Variants in CFAP97 observed in about 807,000 individuals in gnomAD.
CFAP97 encodes cilia and flagella associated protein 97, also known as cilia- and flagella-associated protein 97.
In CFAP97, 36 loss-of-function variants were observed where a neutral mutation model predicts 43.1. The observed-to-expected ratio is 0.84, with a 90% CI of 0.64 to 1.10. CFAP97 has a LOEUF of 1.10. CFAP97 is among the 50% of genes least tolerant of loss of function. The pLI is 0.00. For missense variants in CFAP97, 657 were observed against 620.3 expected (o/e 1.06, Z -0.63); for synonymous variants, 228 against 225.7 (o/e 1.01, Z -0.09).
In CFAP97 at chr4:185,161,802, C is replaced by A. The variant is rs1287329544; in HGVS notation, c.*996G>T. On this transcript the variant is annotated 3_prime_UTR_variant, in exon 5 of 5. Transcript: ENST00000458385. The stretch of plus-strand genomic sequence containing the variant: ...CTCAACAAATGTGTGATTTATTTCC[C>A]TTTTTGTTCAAATTTTAGTTTTTTC... The A allele has an allele frequency of 6.6e-6, 1 of 152,136 alleles. No individual in the cohort carries two copies. The highest frequency in any genetic ancestry group is 1.5e-5 in the Non-Finnish European group (1 of 68,020). 9.4% of individuals were successfully genotyped at this position (152,136 alleles called of 1,614,324 possible).
In CFAP97 at chr4:185,160,121, A is replaced by C. The variant is rs1359877442; in HGVS notation, c.*2677T>G. On this transcript the variant is annotated 3_prime_UTR_variant, in exon 5 of 5. Coordinates refer to ENST00000458385, the MANE Select transcript of CFAP97 (RefSeq NM_020827.3). The stretch of plus-strand genomic sequence containing the variant: ...ATTTTTAAGCAAACCAAAGAACTTT[A>C]TTTGGAGTAATAGCTAAGAAAACAG... 1.3e-5 allele frequency: 2 copies of C among 152,210 alleles called. No individual in the cohort carries two copies. Among genetic ancestry groups the C allele is most frequent in the Non-Finnish European group, 2.9e-5 (2 of 68,042 alleles). The allele number at this position is 152,210 out of a possible 1,614,324, so 9.4% of individuals were successfully genotyped here.
chr4:185,188,254 C>A (rs1736088296), intron 2 of CFAP97, among the ~76,000 whole-genome samples: 1 of 151,934 alleles, frequency 6.6e-6, no homozygotes, highest in Non-Finnish European at 1.5e-5. Flanking sequence ...AGGTGGGACT[C>A]AAGGGACCCT....
intron 3 of CFAP97, among the ~76,000 whole-genome samples, chr4:185,173,944 C>T (rs1021758550): frequency 1.5e-4 from 23 of 151,924 alleles, no homozygotes; most frequent in African/African-American, 1.9e-4. Flanking sequence ...AATGTGTACA[C>T]GTTAAATGGG....
At chr4:185,167,325 G>A (rs532786385) in intron 3 of CFAP97, among the ~76,000 whole-genome samples, 4 of 152,086 alleles carry the variant, frequency 2.6e-5, no homozygotes, top group African/African-American at 4.8e-5. Context: ...AAAATTAGCC[G>A]GGCGTGGTTG....
At chr4:185,178,608 CTATTT>C (rs1735655595) in intron 2 of CFAP97, among the ~76,000 whole-genome samples, 2 of 152,220 alleles carry the variant, frequency 1.3e-5, no homozygotes, top group African/African-American at 4.8e-5. Flanking sequence ...GAAATGTTCT[CTATTT>C]TATATTAGTT....
intron 1 of CFAP97, among the ~76,000 whole-genome samples, chr4:185,194,740 A>G (rs1736463060): frequency 6.6e-6 from 1 of 152,242 alleles, no homozygotes. Context: ...AATACAGAAT[A>G]CAAAACTTTT....
intron 3 of CFAP97, chr4:185,170,487 C>T (rs1735254917): frequency 5.5e-6 from 2 of 364,624 alleles, no homozygotes; most frequent in African/African-American, 4.2e-5. Flanking sequence ...ACCTCTGCTT[C>T]CCGGGTTCAA....
chr4:185,166,581 T>C (rs1005987124), intron 3 of CFAP97, among the ~76,000 whole-genome samples: 5 of 152,216 alleles, frequency 3.3e-5, no homozygotes, highest in Non-Finnish European at 7.3e-5. Context: ...CAATACTTAT[T>C]CATCACATAT....
chr4:185,165,173 C>A (rs1434566321), intron 3 of CFAP97, among the ~76,000 whole-genome samples: 1 of 152,204 alleles, frequency 6.6e-6, no homozygotes, highest in Non-Finnish European at 1.5e-5. Flanking sequence ...GTAGCCTGGG[C>A]ACAGTGGCTC....
At chr4:185,192,602 CAT>C (rs1238961274) in intron 1 of CFAP97, among the ~76,000 whole-genome samples, 8 of 135,112 alleles carry the variant, frequency 5.9e-5, no homozygotes, top group African/African-American at 2.1e-4. Flanking sequence ...ACTATAAAGT[CAT>C]AGTCTTTAAA....
At chr4:185,185,283 T>C (rs910313949) in intron 2 of CFAP97, among the ~76,000 whole-genome samples, 1 of 151,954 alleles carries the variant, frequency 6.6e-6, no homozygotes, top group Non-Finnish European at 1.5e-5. Context: ...AATGCAGCAA[T>C]AGAAATTTGA....
intron 2 of CFAP97, among the ~76,000 whole-genome samples, chr4:185,186,619 AG>A (rs1736015984): frequency 6.6e-6 from 1 of 152,234 alleles, no homozygotes; most frequent in Non-Finnish European, 1.5e-5. Context: ...TTGAGAATCC[AG>A]CTACATTCTA....
chr4:185,181,094 G>A (rs1169235185), intron 2 of CFAP97, among the ~76,000 whole-genome samples: 2 of 151,254 alleles, frequency 1.3e-5, no homozygotes, highest in East Asian at 2.0e-4. Context: ...GCAGACTTTT[G>A]TCTGCAGACA....
intron 2 of CFAP97, among the ~76,000 whole-genome samples, chr4:185,179,929 A>T (rs1430237658): frequency 1.3e-5 from 2 of 152,192 alleles, no homozygotes; most frequent in Non-Finnish European, 2.9e-5. Context: ...TGCCTTTATC[A>T]TACATTTCAA....
intron 2 of CFAP97, among the ~76,000 whole-genome samples, chr4:185,185,885 C>T (rs992857517): frequency 6.6e-6 from 1 of 152,050 alleles, no homozygotes; most frequent in African/African-American, 2.4e-5. Context: ...AGTGATCTGC[C>T]TACGTCTGCC....
chr4:185,190,386 G>A lies in CFAP97; in HGVS notation c.811C>T (p.Leu271=), dbSNP rs1286955555. ...ACTTTTTGATCATTTGCTATGCCCA[G>A]TTCAAAAGACTGAAGAGGGCTAATG... ...PDISPLQSFE[L]GIANDQKVKI... The change falls in exon 2 of 5, where the codon CTG becomes TTG. Residue 271 remains leucine (L), a synonymous_variant. Transcript: ENST00000458385. 2.5e-6 allele frequency: 4 copies of A among 1,611,696 alleles called. No homozygotes were observed. Among genetic ancestry groups the A allele is most frequent in the Non-Finnish European group, 1.7e-6 (2 of 1,178,624 alleles).
At chr4:185,204,370 T>C (rs1737093911), upstream of CFAP97, 4 of 152,370 alleles carry the variant, frequency 2.6e-5, no homozygotes, top group South Asian at 6.2e-4. Flanking sequence ...GTGTTTGTGA[T>C]ATTTTCTATC....
chr4:185,164,265 C>A, intron 3 of CFAP97, 86 bp from the exon 4 acceptor site: 1 of 1,230,332 alleles, frequency 8.1e-7, no homozygotes, highest in South Asian at 1.5e-5. Flanking sequence ...CTGACATTCA[C>A]TTTCTTTCTT....
At chr4:185,182,376 A>AAAATTT (rs1735827622) in intron 2 of CFAP97, 4 of 152,154 alleles carry the variant, frequency 2.6e-5, no homozygotes, top group Non-Finnish European at 5.9e-5. Flanking sequence ...CTTTGCATGG[A>AAAATTT]GGTGGAAAAT....
Sources: allele counts gnomAD v4.1 joint callset (sites outside exome capture counted in the v4.1 genomes callset), GRCh38; gene constraint gnomAD v4.1.1; transcripts MANE v1.5; gene names NCBI Gene and HGNC (gene_info 2026-07-23, HGNC 2026-07-21).